The following KDM2A variants were observed in gnomAD, a reference collection of about 807,000 sequenced individuals.
The protein encoded by KDM2A is lysine-specific demethylase 2A.
KDM2A carries 3 observed loss-of-function variants against 137.3 expected under a neutral mutation model. The observed-to-expected ratio is 0.02, with a 90% CI of 0.01 to 0.06. The LOEUF (loss-of-function observed/expected upper bound fraction) is 0.06, where lower values mean the gene tolerates loss of function less well. Among genes scored for constraint, KDM2A ranks in the 10% least tolerant of loss-of-function variants. The pLI is 1.00. For missense variants in KDM2A, 738 were observed against 1,510.6 expected, an observed-to-expected ratio of 0.49 and a Z score of 8.48; for synonymous variants, 512 against 541.5, an observed-to-expected ratio of 0.95 and a Z score of 0.76.
At chr11:67,168,389 A>G (rs1348424912) in intron 2 of KDM2A, among the ~76,000 whole-genome samples, 1 of 152,116 alleles carries the variant, frequency 6.6e-6, no homozygotes, top group Non-Finnish European at 1.5e-5. Flanking sequence ...GTCTTAATAC[A>G]TAGCACATTA....
intron 6 of KDM2A, among the ~76,000 whole-genome samples, chr11:67,209,435 A>T (rs908782080): frequency 6.7e-5 from 10 of 149,516 alleles, no homozygotes; most frequent in South Asian, 2.1e-4. Flanking sequence ...ATTTTATTTT[A>T]TTATTATTAT....
Position 67,245,959 on chromosome 11 carries a change from T to A in KDM2A, c.1834-26T>A. The A allele has an allele frequency of 6.2e-7, 1 of 1,612,976 alleles. No individual in the cohort carries two copies. The highest frequency in any genetic ancestry group is 8.5e-7 in the Non-Finnish European group (1 of 1,179,182). The stretch of plus-strand genomic sequence containing the variant: ...TGATAAAGATCTGAGTCAGTTCTCT[T>A]GGATTCTATCTTTGTCCTCTTGTAG... On this transcript the variant is annotated intron_variant, in intron 14 of 20. Transcript: ENST00000529006. The surrounding 1 kb of genome is among the most constrained non-coding windows in gnomAD (Gnocchi z 4.1).
intron 10 of KDM2A, among the ~76,000 whole-genome samples, chr11:67,221,348 T>C (rs1858343082): frequency 6.6e-6 from 1 of 152,208 alleles, no homozygotes; most frequent in South Asian, 2.1e-4. Context: ...GTAGAACTAT[T>C]AATGCTACTG....
At chr11:67,203,156 C>T (rs1394551324) in intron 5 of KDM2A, among the ~76,000 whole-genome samples, 2 of 152,172 alleles carry the variant, frequency 1.3e-5, no homozygotes, top group South Asian at 2.1e-4. Context: ...TTATGACTCA[C>T]TGAAGGCTCA....
intron 2 of KDM2A, among the ~76,000 whole-genome samples, chr11:67,169,667 C>T (rs988517965): frequency 1.3e-4 from 20 of 151,460 alleles, no homozygotes; most frequent in African/African-American, 1.9e-4. Context: ...TGAGCCACTG[C>T]GCTCAGCCCA....
intron 11 of KDM2A, among the ~76,000 whole-genome samples, chr11:67,228,721 T>A: frequency 6.7e-6 from 1 of 149,926 alleles, no homozygotes; most frequent in African/African-American, 2.5e-5. Context: ...AGAACGATGA[T>A]CAGTTGTCTA....
intron 2 of KDM2A, among the ~76,000 whole-genome samples, chr11:67,150,385 G>A (rs1400669115): frequency 1.3e-5 from 2 of 152,190 alleles, no homozygotes; most frequent in Non-Finnish European, 2.9e-5. Flanking sequence ...GAGGTTGGGG[G>A]AAGAGAAGAG....
chr11:67,139,752 C>T (rs1445669986), intron 2 of KDM2A, among the ~76,000 whole-genome samples: 1 of 152,004 alleles, frequency 6.6e-6, no homozygotes, highest in Non-Finnish European at 1.5e-5. Context: ...CTCTGTCACT[C>T]AGTCTGGAGT....
At chr11:67,246,841 T>C (rs1590825414) in intron 15 of KDM2A, among the ~76,000 whole-genome samples, 1 of 151,460 alleles carries the variant, frequency 6.6e-6, no homozygotes, top group Admixed American at 6.6e-5. Flanking sequence ...AGATTTTTGG[T>C]TTTTTTGAAT....
intron 2 of KDM2A, among the ~76,000 whole-genome samples, chr11:67,135,603 C>T (rs1479303103): frequency 6.6e-6 from 1 of 152,154 alleles, no homozygotes; most frequent in Non-Finnish European, 1.5e-5. Flanking sequence ...GTAAATGACT[C>T]GTTTCTGAGA....
Position 67,245,468 on chromosome 11 carries a change from C to G in KDM2A, c.1833+10C>G. The stretch of plus-strand genomic sequence containing the variant: ...CCGACAGTGCTTGGCAGTGAGTGAT[C>G]TGCTGGGTAAAGAATTTTGGGGAGG... On this transcript the variant is annotated intron_variant, in intron 14 of 20. Coordinates refer to ENST00000529006, the MANE Select transcript of KDM2A (RefSeq NM_012308.3). This position sits in a 1 kb window ranked among gnomAD's most constrained non-coding sequence, Gnocchi z 4.1. 1 of 1,611,498 alleles carries G rather than the reference C, an allele frequency of 6.2e-7. No homozygotes were observed. Among genetic ancestry groups the G allele is most frequent in the South Asian group, 1.1e-5 (1 of 90,996 alleles).
In KDM2A at chr11:67,248,492, G is replaced by C. The variant is rs1282584925; in HGVS notation, c.2055+122G>C. 4 of 634,764 alleles carry C rather than the reference G, an allele frequency of 6.3e-6. No individual in the cohort carries two copies. The Admixed American group carries it at 9.5e-5, about 15-fold the overall frequency. 39.3% of individuals were successfully genotyped at this position (634,764 alleles called of 1,614,324 possible). On this transcript the variant is annotated intron_variant, in intron 16 of 20. Transcript: ENST00000529006. ...TTCTCTGACCTAGGAGATTATTTTT[G>C]TTTGGTTTGGTATGTTTTTCCTTTG... is the stretch of plus-strand genomic sequence containing the variant.
chr11:67,161,506 C>G (rs919747652), intron 2 of KDM2A, among the ~76,000 whole-genome samples: 6 of 152,138 alleles, frequency 3.9e-5, no homozygotes, highest in Admixed American at 2.0e-4. Flanking sequence ...TTTTATATTA[C>G]TACGTATTAC....
intron 2 of KDM2A, among the ~76,000 whole-genome samples, chr11:67,161,631 AT>A (rs2136317109): frequency 6.6e-6 from 1 of 152,280 alleles, no homozygotes; most frequent in African/African-American, 2.4e-5. Flanking sequence ...TGTGACCTAA[AT>A]TGATTTTTGT....
At chr11:67,174,801 G>A (rs1856945114) in intron 2 of KDM2A, among the ~76,000 whole-genome samples, 1 of 152,114 alleles carries the variant, frequency 6.6e-6, no homozygotes, top group African/African-American at 2.4e-5. Context: ...TTTGTTGTTG[G>A]TTATTCAGGA....
At chr11:67,209,341 A>G (rs1025036617) in intron 6 of KDM2A, among the ~76,000 whole-genome samples, 6 of 152,130 alleles carry the variant, frequency 3.9e-5, no homozygotes, top group African/African-American at 1.4e-4. Context: ...TGATTTGCTA[A>G]ATAGGAATTT....
At chr11:67,126,587 A>C (rs577947364) in intron 2 of KDM2A, among the ~76,000 whole-genome samples, 86 of 152,028 alleles carry the variant, frequency 5.7e-4, no homozygotes, top group Admixed American at 7.2e-4. Context: ...AGGCGCCTGT[A>C]GTCCCAGCTA....
chr11:67,253,324 G>A (rs1014998575), intron 18 of KDM2A, 129 bp from the exon 19 acceptor site: 2 of 781,198 alleles, frequency 2.6e-6, no homozygotes, highest in Non-Finnish European at 4.2e-6. Context: ...TGAGCTGGAT[G>A]ACTAAAAGAT....
chr11:67,178,648 CT>C (rs949177698), intron 2 of KDM2A, among the ~76,000 whole-genome samples: 5 of 152,156 alleles, frequency 3.3e-5, no homozygotes, highest in African/African-American at 1.2e-4. Context: ...AATATGTGGT[CT>C]TTTATGACTG....
Sources: gnomAD v4.1 joint callset for allele counts (sites outside exome capture counted in the v4.1 genomes callset) on GRCh38, gnomAD v4.1.1 for gene constraint, Gnocchi (gnomAD v3.1) non-coding constraint, MANE v1.5 for transcripts, NCBI Gene and HGNC (gene_info 2026-07-23, HGNC 2026-07-21) for gene names.